The following RRAGD variants were observed in gnomAD, a reference collection of about 807,000 sequenced individuals.
RRAGD encodes the protein Ras related GTP binding D.
RRAGD carries 12 observed loss-of-function variants against 35.5 expected under a neutral mutation model. The observed-to-expected ratio is 0.34, with a 90% CI of 0.22 to 0.55. The LOEUF is 0.55. Among genes scored for constraint, RRAGD ranks in the 20% least tolerant of loss-of-function variants. The pLI is 0.91. For synonymous variants in RRAGD, 155 were observed against 178.9 expected (o/e 0.87, Z 1.07); for missense variants, 324 against 490.1 (o/e 0.66, Z 3.20).
intron 5 of RRAGD, among the ~76,000 whole-genome samples, chr6:89,373,755 G>A (rs1459050454): frequency 6.6e-6 from 1 of 151,852 alleles, no homozygotes; most frequent in Non-Finnish European, 1.5e-5. Flanking sequence ...ACTTCTTTGA[G>A]CCTCAATTTC....
chr6:89,383,734 G>A lies in RRAGD; in HGVS notation c.445-3367C>T, dbSNP rs147257143. On this transcript the variant is annotated intron_variant, in intron 2 of 6. Transcript: ENST00000369415. ...ATTCTGTGAGGACACATTTACTCCT[G>A]GGGGATATATTTATCCGGCAATCCT... 1.9e-3 allele frequency among the ~76,000 whole-genome samples: 296 copies of A among 152,148 alleles called. 3 individuals are homozygous for A. Among genetic ancestry groups the A allele is most frequent in the African/African-American group, 6.7e-3 (278 of 41,504 alleles).
chr6:89,402,037 G>GGTTTTTTTTT (rs1194197994), intron 1 of RRAGD, among the ~76,000 whole-genome samples: 2 of 52,314 alleles, frequency 3.8e-5, no homozygotes, highest in Non-Finnish European at 6.8e-5. Context: ...AAATCCTAAG[G>GGTTTTTTTTT]ATTTTTTTTT....
intron 1 of RRAGD, among the ~76,000 whole-genome samples, chr6:89,399,280 C>G (rs1280175216): frequency 6.6e-6 from 1 of 152,182 alleles, no homozygotes; most frequent in Non-Finnish European, 1.5e-5. Flanking sequence ...ATGCTGGGAA[C>G]TAAATACACA....
chr6:89,396,728 ATTTTTTTTTT>A (rs1160973684), intron 1 of RRAGD, among the ~76,000 whole-genome samples: 98 of 76,392 alleles, frequency 1.3e-3, no homozygotes, highest in East Asian at 4.8e-3. Flanking sequence ...CAATGACCCA[ATTTTTTTTTT>A]TTTTTTTTTT....
intron 6 of RRAGD, 119 bp from the exon 7 acceptor site, chr6:89,368,326 AC>A: frequency 1.3e-6 from 1 of 774,428 alleles, no homozygotes; most frequent in Non-Finnish European, 2.0e-6. Context: ...TAGCGTAAGG[AC>A]CAGAGATTTC....
intron 5 of RRAGD, among the ~76,000 whole-genome samples, chr6:89,375,858 C>T (rs1476802358): frequency 6.6e-6 from 1 of 152,216 alleles, no homozygotes; most frequent in Non-Finnish European, 1.5e-5. Flanking sequence ...CTCCTCCTAA[C>T]CCCTCCCTCC....
intron 1 of RRAGD, among the ~76,000 whole-genome samples, chr6:89,392,605 C>A (rs1464871126): frequency 1.3e-5 from 2 of 152,064 alleles, no homozygotes. Context: ...TAATCCAATA[C>A]AGACTGAAAA....
intron 6 of RRAGD, among the ~76,000 whole-genome samples, chr6:89,370,487 A>T (rs560826164): frequency 3.3e-5 from 5 of 152,354 alleles, no homozygotes; most frequent in African/African-American, 1.2e-4. Context: ...CGCAGCATAA[A>T]ACCAGAAAAT....
chr6:89,393,162 A>G (rs1192916213), intron 1 of RRAGD, among the ~76,000 whole-genome samples: 1 of 152,226 alleles, frequency 6.6e-6, no homozygotes. Context: ...TGTGCATAAT[A>G]AACAAATAGG....
At position 89,387,537 on chromosome 6, in the gene RRAGD, T is replaced by C. The variant is rs1201326764; in HGVS notation, c.202A>G (p.Met68Val). 2 of 1,614,012 alleles carry C rather than the reference T, an allele frequency of 1.2e-6. No individual in the cohort carries two copies. Among genetic ancestry groups the C allele is most frequent in the Non-Finnish European group, 1.7e-6 (2 of 1,180,016 alleles). ...STEVKPRILL[M>V]GLRRSGKSSI... is the part of the protein sequence containing the mutation. ...GACTTGCCGCTTCTCCTCAGGCCCATGAGCAGGATTCTCGGCTTCACTTCA... is the reference window on the plus strand; with the variant it reads ...GACTTGCCGCTTCTCCTCAGGCCCACGAGCAGGATTCTCGGCTTCACTTCA... Residue 68 changes from methionine to valine, a missense_variant, in exon 2 of 7, where the codon ATG becomes GTG. Met to Val is a conservative substitution (Grantham distance 21). This residue lies in a region of RRAGD where 7 missense variants were observed against 16.5 expected (regional missense o/e 0.42). Transcript: ENST00000369415.
rs750936895 is a variant in RRAGD at position 89,377,742 on chromosome 6, C to A, written c.831G>T (p.Pro277=). 6.2e-7 allele frequency: 1 copy of A among 1,611,850 alleles called. No homozygotes were observed. Among genetic ancestry groups the A allele is most frequent in the African/African-American group, 1.3e-5 (1 of 74,808 alleles). ...AGAGCTCATAGGTTTGCATATCCAC[C>A]GGAGTACTATCAGTTGCAATATAAA... The part of the protein sequence containing the change: ...SKIYIATDST[P]VDMQTYELCC... Residue 277 remains proline (P), a synonymous_variant, in exon 5 of 7, where the codon CCG becomes CCT. Coordinates refer to ENST00000369415, the MANE Select transcript of RRAGD (RefSeq NM_021244.5).
At chr6:89,402,244 C>T (rs1769485345) in intron 1 of RRAGD, among the ~76,000 whole-genome samples, 1 of 151,828 alleles carries the variant, frequency 6.6e-6, no homozygotes, top group African/African-American at 2.4e-5. Flanking sequence ...GACGAGGCTT[C>T]ACCATGTTGG....
rs368574252 is a variant in RRAGD at position 89,411,813 on chromosome 6, C to G, written c.148+33G>C. On this transcript the variant is annotated intron_variant, in intron 1 of 6. Transcript: ENST00000369415. This position sits in a 1 kb window ranked among gnomAD's most constrained non-coding sequence, Gnocchi z 5.6. Reference sequence around the variant, plus strand: ...GAAGGCGCCAAGGGGAGGAAAGGGGCGCGAGCCGAGGACGCGGGGGCCGGG... The same window carrying G: ...GAAGGCGCCAAGGGGAGGAAAGGGGGGCGAGCCGAGGACGCGGGGGCCGGG... 10 of 1,532,536 alleles carry G rather than the reference C, an allele frequency of 6.5e-6. No homozygotes were observed. The highest frequency in any genetic ancestry group is 2.4e-5 in the South Asian group (2 of 84,166). The allele number at this position is 1,532,536 out of a possible 1,614,324, so 94.9% of individuals were successfully genotyped here. A position where few individuals can be genotyped will look rare whatever the true frequency, so the allele number is the denominator to read the frequency against.
rs569697873 is a variant in RRAGD at position 89,380,042 on chromosome 6, A to G, written c.644+126T>C. On this transcript the variant is annotated intron_variant, in intron 3 of 6. Transcript: ENST00000369415. ...CATTTTCCCCTAATCCTATCCATCT[A>G]CAGCATGAAACAGGGTAAAAAGAAG... 5.1e-6 allele frequency: 4 copies of G among 781,042 alleles called. No individual in the cohort carries two copies. The African/African-American group carries it at 6.9e-5, about 13-fold the overall frequency. The allele number at this position is 781,042 out of a possible 1,614,324, so 48.4% of individuals were successfully genotyped here. A position where few individuals can be genotyped will look rare whatever the true frequency, so the allele number is the denominator to read the frequency against.
At chr6:89,404,480 C>A (rs1010984320) in intron 1 of RRAGD, among the ~76,000 whole-genome samples, 2 of 152,132 alleles carry the variant, frequency 1.3e-5, no homozygotes, top group Non-Finnish European at 2.9e-5. Flanking sequence ...TCAGGGACAC[C>A]AAATAGACCT....
intron 1 of RRAGD, among the ~76,000 whole-genome samples, chr6:89,389,617 T>TTGAAACATATAGTATTAA (rs1769197076): frequency 6.6e-6 from 1 of 151,978 alleles, no homozygotes; most frequent in Non-Finnish European, 1.5e-5. Context: ...GGGCTCTCTC[T>TTGAAACATATAGTATTAA]TTCCTTCGTT....
chr6:89,367,805 AC>A lies in RRAGD; in HGVS notation c.*250del. ...TCACACGGGATTTTTTTGACTACAG[AC>A]CATAAAAGTTTACATTTGTGTAATG... On this transcript the variant is annotated 3_prime_UTR_variant, in exon 7 of 7. Transcript: ENST00000369415. The A allele has an allele frequency of 2.8e-6, 1 of 351,234 alleles. No homozygotes were observed. Among genetic ancestry groups the A allele is most frequent in the South Asian group, 1.3e-4 (1 of 7,888 alleles). The allele number at this position is 351,234 out of a possible 1,614,324, so 21.8% of individuals were successfully genotyped here. A position where few individuals can be genotyped will look rare whatever the true frequency, so the allele number is the denominator to read the frequency against.
intron 1 of RRAGD, among the ~76,000 whole-genome samples, chr6:89,398,305 AAT>A (rs1413774890): frequency 6.6e-6 from 1 of 152,240 alleles, no homozygotes; most frequent in Non-Finnish European, 1.5e-5. Flanking sequence ...AAACGTATCA[AAT>A]ATGTGTTATG....
intron 6 of RRAGD, among the ~76,000 whole-genome samples, chr6:89,369,811 T>C (rs1354275457): frequency 6.6e-6 from 1 of 152,242 alleles, no homozygotes; most frequent in Non-Finnish European, 1.5e-5. Context: ...AACTGAGGCT[T>C]TTTAAAGACA....
Sources: allele counts gnomAD v4.1 joint callset (sites outside exome capture counted in the v4.1 genomes callset), GRCh38; gene constraint gnomAD v4.1.1; regional missense constraint gnomAD v4.1.1; non-coding constraint Gnocchi (gnomAD v3.1); transcripts MANE v1.5; gene names NCBI Gene and HGNC (gene_info 2026-07-23, HGNC 2026-07-21).